CCNB1IP1: variants seen among roughly 807,000 people sequenced by gnomAD.
The protein encoded by CCNB1IP1 is cyclin B1 interacting protein 1.
Under a neutral mutation model 25.6 loss-of-function variants are expected in CCNB1IP1, and 14 were observed. The observed-to-expected ratio is 0.55, with a 90% CI of 0.36 to 0.85. The LOEUF is 0.85. Ranked by LOEUF, CCNB1IP1 falls within the 40% of genes least tolerant of loss-of-function variation. The pLI is 0.01. For synonymous variants in CCNB1IP1, 119 were observed against 116.1 expected, an observed-to-expected ratio of 1.02 and a Z score of -0.16; for missense variants, 278 against 342.4, an observed-to-expected ratio of 0.81 and a Z score of 1.48.
At position 20,318,731 on chromosome 14, in the gene CCNB1IP1, C is replaced by A. The variant is rs116002311; in HGVS notation, c.-37-2171G>T. Among the ~76,000 whole-genome samples, 237 of 152,260 alleles carry A rather than the reference C, an allele frequency of 1.6e-3. 1 individual carries two copies. Among genetic ancestry groups the A allele is most frequent in the African/African-American group, 5.4e-3 (224 of 41,558 alleles). Reference sequence around the variant, plus strand: ...TTAAAAATTAACCTGAAGAGGAAAGCTAGACGGGTCCTCAGGATATAAACC... The same window carrying A: ...TTAAAAATTAACCTGAAGAGGAAAGATAGACGGGTCCTCAGGATATAAACC... On this transcript the variant is annotated intron_variant, in intron 4 of 6. Coordinates refer to ENST00000358932, the MANE Select transcript of CCNB1IP1 (RefSeq NM_021178.5).
At chr14:20,322,610 T>C (rs1882929200) in intron 4 of CCNB1IP1, among the ~76,000 whole-genome samples, 1 of 145,896 alleles carries the variant, frequency 6.9e-6, no homozygotes, top group Non-Finnish European at 1.5e-5. Flanking sequence ...AAGTTTTATA[T>C]ATATATATAT....
Position 20,311,612 on chromosome 14 carries a change from G to C in CCNB1IP1, c.772C>G (p.Pro258Ala). ...TGCTGCTGCTCTAATTCACGACTTG[G>C]AGAGACAAAACTAAAAAAGCTGTTG... The part of the protein sequence containing the change: ...PSNSFFSFVS[P>A]SRELEQQQVS... The change falls in exon 7 of 7, where the codon CCA becomes GCA. Residue 258 changes from proline to alanine, a missense_variant. Coordinates refer to ENST00000358932, the MANE Select transcript of CCNB1IP1 (RefSeq NM_021178.5). 1 of 1,614,024 alleles carries C rather than the reference G, an allele frequency of 6.2e-7. No homozygotes were observed. Among genetic ancestry groups the C allele is most frequent in the Non-Finnish European group, 8.5e-7 (1 of 1,180,010 alleles).
intron 4 of CCNB1IP1, among the ~76,000 whole-genome samples, chr14:20,324,119 A>AG (rs1257146419): frequency 6.6e-6 from 1 of 152,068 alleles, no homozygotes; most frequent in Non-Finnish European, 1.5e-5. Context: ...TTAAGTTTTG[A>AG]GGGGCGGGGT....
chr14:20,329,909 C>T (rs896868958), intron 1 of CCNB1IP1, among the ~76,000 whole-genome samples: 7 of 151,234 alleles, frequency 4.6e-5, no homozygotes, highest in Admixed American at 3.3e-4. Context: ...CAGCTGTCCC[C>T]TCTGTAAAAT....
At chr14:20,317,330 C>G (rs1882738338) in intron 4 of CCNB1IP1, among the ~76,000 whole-genome samples, 1 of 152,052 alleles carries the variant, frequency 6.6e-6, no homozygotes, top group Non-Finnish European at 1.5e-5. Context: ...CGTTTGAACC[C>G]GGGAGGCGGA....
chr14:20,331,773 T>C (rs1566407758), intron 1 of CCNB1IP1, among the ~76,000 whole-genome samples: 1 of 151,680 alleles, frequency 6.6e-6, no homozygotes, highest in Non-Finnish European at 1.5e-5. Context: ...GTGAACACTC[T>C]ACTCATGGAA....
chr14:20,321,456 T>TC, intron 4 of CCNB1IP1, among the ~76,000 whole-genome samples: 1 of 118,986 alleles, frequency 8.4e-6, no homozygotes, highest in South Asian at 2.9e-4. Flanking sequence ...ATTTCAAGAA[T>TC]CTTTTTTTTT....
intron 3 of CCNB1IP1, among the ~76,000 whole-genome samples, chr14:20,326,283 G>C (rs1030801484): frequency 6.6e-6 from 1 of 152,156 alleles, no homozygotes. Context: ...ACTCACAAAA[G>C]TGATTTTTTG....
rs1323051139 is a variant in CCNB1IP1 at position 20,313,763 on chromosome 14, G to A, written c.336C>T (p.Ser112=). 6.3e-7 allele frequency: 1 copy of A among 1,595,810 alleles called. No homozygotes were observed. Among genetic ancestry groups the A allele is most frequent in the South Asian group, 1.1e-5 (1 of 88,776 alleles). ...TCTGTTTCAGATGGCCCTCAGCCTT[G>A]CTGAAATTGTATTCTTGATAGAGAC... is the stretch of plus-strand genomic sequence containing the variant. The part of the protein sequence containing the change: ...QERLYQEYNF[S]KAEGHLKQME... Residue 112 remains serine (S), a synonymous_variant, in exon 6 of 7, where the codon AGC becomes AGT. Coordinates refer to ENST00000358932, the MANE Select transcript of CCNB1IP1 (RefSeq NM_021178.5).
At chr14:20,312,545 T>C (rs1201968319) in intron 6 of CCNB1IP1, among the ~76,000 whole-genome samples, 1 of 152,046 alleles carries the variant, frequency 6.6e-6, no homozygotes, top group African/African-American at 2.4e-5. Context: ...ATTAAATCTT[T>C]TTCCTCAGCC....
At chr14:20,330,616 T>G (rs1883207489) in intron 1 of CCNB1IP1, 1 of 152,480 alleles carries the variant, frequency 6.6e-6, no homozygotes, top group Non-Finnish European at 1.5e-5. Context: ...TTTTCACTCT[T>G]GTTGCCCAGA....
chr14:20,320,291 A>G (rs1240194287), intron 4 of CCNB1IP1: 1 of 455,790 alleles, frequency 2.2e-6, no homozygotes, highest in Admixed American at 2.4e-5. Flanking sequence ...AACTTACAAT[A>G]AGAGTTGTGA....
chr14:20,315,557 T>C, intron 5 of CCNB1IP1: 1 of 1,262,770 alleles, frequency 7.9e-7, no homozygotes, highest in Non-Finnish European at 1.0e-6. Context: ...ATATGTAAGA[T>C]ATAACAATAC....
intron 4 of CCNB1IP1, among the ~76,000 whole-genome samples, chr14:20,323,903 G>A (rs1490766087): frequency 7.7e-6 from 1 of 129,962 alleles, no homozygotes; most frequent in Non-Finnish European, 1.6e-5. Flanking sequence ...GGGCGACAGA[G>A]CGAGACTCCG....
rs150894080 is a variant in CCNB1IP1, at chr14:20,327,084, CA to C, written c.-230-292del. ...GAGTAAGACCCCGTCTCGAACAAAA[CA>C]AAAAAAATTTAACAACAACAACAAA... On this transcript the variant is annotated intron_variant, in intron 2 of 6. Coordinates refer to ENST00000358932, the MANE Select transcript of CCNB1IP1 (RefSeq NM_021178.5). 2.6e-5 allele frequency among the ~76,000 whole-genome samples: 4 copies of C among 151,178 alleles called. No homozygotes were observed. In the East Asian group the frequency reaches 5.8e-4, roughly 22 times the overall value.
chr14:20,312,022 T>C (rs976805392), intron 6 of CCNB1IP1, among the ~76,000 whole-genome samples: 1 of 152,192 alleles, frequency 6.6e-6, no homozygotes. Flanking sequence ...AAGCAGATAA[T>C]AGATCTGATT....
intron 5 of CCNB1IP1, chr14:20,315,753 TA>T (rs1882669505): frequency 3.3e-6 from 4 of 1,230,738 alleles, no homozygotes; most frequent in Non-Finnish European, 4.2e-6. Flanking sequence ...AATAGTTAAC[TA>T]AAAAATATTT....
Position 20,326,767 on chromosome 14 carries a change from GGA to G in CCNB1IP1, c.-206_-205del, listed in dbSNP as rs1883089335. On this transcript the variant is annotated 5_prime_UTR_variant, in exon 3 of 7. Coordinates refer to ENST00000358932, the MANE Select transcript of CCNB1IP1 (RefSeq NM_021178.5). ...TATCTAGAAATCCAGTTGAACCACAGGATCTATCAATTATCTAGGATCATTTC... is the reference window on the plus strand; with the variant it reads ...TATCTAGAAATCCAGTTGAACCACAGTCTATCAATTATCTAGGATCATTTC... The G allele has an allele frequency of 3.6e-6, 1 of 274,352 alleles. No homozygotes were observed. The highest frequency in any genetic ancestry group is 3.4e-5 in the South Asian group (1 of 29,632). The allele number at this position is 274,352 out of a possible 1,614,324, so 17.0% of individuals were successfully genotyped here.
At position 20,316,230 on chromosome 14, in the gene CCNB1IP1, A is replaced by G. The variant is rs146648962; in HGVS notation, c.294T>C (p.Tyr98=). 3.8e-5 allele frequency: 61 copies of G among 1,612,652 alleles called. No homozygotes were observed. In the East Asian group the frequency reaches 3.8e-4, roughly 10 times the overall value. ...ISSRALAFWT[Y]QVHQERLYQE... Reference sequence around the variant, plus strand: ...AGAAACTAGACTAAGCACTAACCTGATATGTCCAGAAGGCCAGCGCTCGGG... The same window carrying G: ...AGAAACTAGACTAAGCACTAACCTGGTATGTCCAGAAGGCCAGCGCTCGGG... The change falls in exon 5 of 7, where the codon TAT becomes TAC. Residue 98 remains tyrosine (Y), a synonymous_variant. Coordinates refer to ENST00000358932, the MANE Select transcript of CCNB1IP1 (RefSeq NM_021178.5).
Sources: gnomAD v4.1 joint callset for allele counts (sites outside exome capture counted in the v4.1 genomes callset) on GRCh38, gnomAD v4.1.1 for gene constraint, MANE v1.5 for transcripts, NCBI Gene and HGNC (gene_info 2026-07-23, HGNC 2026-07-21) for gene names.